The following UTRN variants were observed in gnomAD, a reference collection of about 807,000 sequenced individuals.
UTRN encodes the protein utrophin, also known as dystrophin-related protein 1.
In UTRN, 283 loss-of-function variants were observed where a neutral mutation model predicts 463.9. That is an observed-to-expected ratio of 0.61 (90% CI 0.55 to 0.67). The LOEUF is 0.67. Among genes scored for constraint, UTRN ranks in the 30% least tolerant of loss-of-function variants. The probability of loss-of-function intolerance (pLI) is 0.00; values close to 1 mark genes in which losing one functional copy is unlikely to be tolerated. For synonymous variants in UTRN, 1,442 were observed against 1,431.5 expected, an observed-to-expected ratio of 1.01 and a Z score of -0.17; for missense variants, 3,922 against 4,084.3, an observed-to-expected ratio of 0.96 and a Z score of 1.08.
At chr6:144,743,452 G>T (rs1790332581) in intron 54 of UTRN, among the ~76,000 whole-genome samples, 1 of 152,142 alleles carries the variant, frequency 6.6e-6, no homozygotes, top group African/African-American at 2.4e-5. Context: ...CTACTATCAA[G>T]ATTTCTTTGA....
At chr6:144,847,607 A>G (rs1782135167) in intron 74 of UTRN, among the ~76,000 whole-genome samples, 2 of 152,118 alleles carry the variant, frequency 1.3e-5, no homozygotes, top group South Asian at 2.1e-4. Flanking sequence ...TCAGGGTGGG[A>G]GGAGAGATGA....
intron 2 of UTRN, among the ~76,000 whole-genome samples, chr6:144,327,000 T>C (rs920247438): frequency 3.8e-4 from 58 of 152,172 alleles, no homozygotes; most frequent in African/African-American, 1.4e-3. Flanking sequence ...TTGTTGATGC[T>C]CGTCTGGTGG....
chr6:144,448,921 C>A, intron 17 of UTRN, 152 bp downstream of exon 17: 1 of 895,164 alleles, frequency 1.1e-6, no homozygotes, highest in Non-Finnish European at 1.6e-6. Context: ...CCACTCACTG[C>A]CCCTGTCTTC....
chr6:144,837,982 GT>G (rs1437255433), intron 71 of UTRN, among the ~76,000 whole-genome samples: 2 of 152,188 alleles, frequency 1.3e-5, no homozygotes, highest in African/African-American at 4.8e-5. Flanking sequence ...CATTGAAAAC[GT>G]TACATTTTTC....
At position 144,343,943 on chromosome 6, in the gene UTRN, A is replaced by C. The variant is rs550356127; in HGVS notation, c.79+52036A>C. 5.7e-4 allele frequency among the ~76,000 whole-genome samples: 87 copies of C among 151,942 alleles called. 1 individual carries two copies. Among genetic ancestry groups the C allele is most frequent in the African/African-American group, 1.9e-3 (80 of 41,258 alleles). On this transcript the variant is annotated intron_variant, in intron 2 of 74. Coordinates refer to ENST00000367545, the MANE Select transcript of UTRN (RefSeq NM_007124.3). Reference sequence around the variant, plus strand: ...TATAATCTCTGTCATAGGAACATGAATAGAGGCCCTTAGTTGTGACTATTA... The same window carrying C: ...TATAATCTCTGTCATAGGAACATGACTAGAGGCCCTTAGTTGTGACTATTA...
At chr6:144,294,628 A>G (rs987529398) in intron 2 of UTRN, among the ~76,000 whole-genome samples, 1 of 151,888 alleles carries the variant, frequency 6.6e-6, no homozygotes, top group African/African-American at 2.4e-5. Context: ...GGGGGGACGG[A>G]GAGTGTGGTT....
chr6:144,754,894 G>T, intron 57 of UTRN, 96 bp downstream of exon 57: 2 of 1,209,468 alleles, frequency 1.7e-6, no homozygotes, highest in Non-Finnish European at 2.4e-6. Flanking sequence ...CTATAAATAT[G>T]TTTATTTAGA....
intron 51 of UTRN, among the ~76,000 whole-genome samples, chr6:144,672,170 G>A (rs969276692): frequency 2.6e-5 from 4 of 151,722 alleles, no homozygotes; most frequent in Non-Finnish European, 2.9e-5. Context: ...TACTGGCTTC[G>A]TAGAATGATT....
At chr6:144,364,544 T>C (rs2114694831) in intron 2 of UTRN, among the ~76,000 whole-genome samples, 1 of 152,292 alleles carries the variant, frequency 6.6e-6, no homozygotes, top group African/African-American at 2.4e-5. Flanking sequence ...ATTTTCTGTT[T>C]CCCAATTTGT....
chr6:144,429,670 G>A lies in UTRN; in HGVS notation c.784G>A (p.Ala262Thr), dbSNP rs547758141. The A allele has an allele frequency of 3.1e-6, 5 of 1,612,876 alleles. No individual in the cohort carries two copies. Among genetic ancestry groups the A allele is most frequent in the East Asian group, 2.2e-5 (1 of 44,836 alleles). Residue 262 changes from alanine (A) to threonine (T), a missense_variant, in exon 9 of 75, where the codon GCC becomes ACC. Around this residue, in one of 3 missense-constraint regions of UTRN, gnomAD observed 264 missense variants for 327.9 expected, o/e 0.81. Transcript: ENST00000367545. ...EVLPQQVTID[A>T]IREVETLPRK... ...GCTACCTCAGCAAGTCACCATAGACGCCATCCGTGAGGTAGAGACACTCCC... is the reference window on the plus strand; with the variant it reads ...GCTACCTCAGCAAGTCACCATAGACACCATCCGTGAGGTAGAGACACTCCC...
intron 71 of UTRN, 86 bp downstream of exon 71, chr6:144,836,627 C>A (rs1781130700): frequency 3.3e-6 from 5 of 1,535,290 alleles, no homozygotes; most frequent in East Asian, 2.3e-5. Context: ...TCAGGAGAGG[C>A]AGAGAAGTCC....
In UTRN at chr6:144,462,731, T is replaced by G; in HGVS notation, c.2931T>G (p.Asn977Lys). The G allele has an allele frequency of 6.2e-7, 1 of 1,611,474 alleles. No homozygotes were observed. The highest frequency in any genetic ancestry group is 1.1e-5 in the South Asian group (1 of 90,060). The change falls in exon 23 of 75, where the codon AAT (asparagine) becomes AAG (lysine). Residue 977 changes from asparagine to lysine, a missense_variant. This residue lies in a region of UTRN where 2,349 missense variants were observed against 2,303.8 expected (regional missense o/e 1.02). Transcript: ENST00000367545. ...AAGAAACAAAGGCTCTGGAGAAAAA[T>G]GTTCATCCTGATGTAGAAAAATTAT... is the stretch of plus-strand genomic sequence containing the variant. ...LAEETKALEK[N>K]VHPDVEKLYK...
At chr6:144,457,484 G>A (rs1248318679) in intron 19 of UTRN, among the ~76,000 whole-genome samples, 1 of 152,276 alleles carries the variant, frequency 6.6e-6, no homozygotes, top group East Asian at 1.9e-4. Flanking sequence ...TAGAAATGAT[G>A]GGGCAGGGGC....
chr6:144,511,104 A>G lies in UTRN; in HGVS notation c.4925A>G (p.Asp1642Gly), dbSNP rs1317371870. ...AGCCGAGTTCGTACCTGGACTGAAG[A>G]TTGGTGCAATACCTTGATGGTATGT... ...GWSRVRTWTE[D>G]WCNTLMNHQN... is the part of the protein sequence containing the mutation. Residue 1642 changes from aspartate to glycine, a missense_variant, in exon 35 of 75, where the codon GAT becomes GGT. Asp to Gly is a moderately conservative substitution (Grantham distance 94). Coordinates refer to ENST00000367545, the MANE Select transcript of UTRN (RefSeq NM_007124.3). 6.2e-7 allele frequency: 1 copy of G among 1,600,898 alleles called. No homozygotes were observed. The highest frequency in any genetic ancestry group is 8.5e-7 in the Non-Finnish European group (1 of 1,171,668).
chr6:144,747,302 A>C (rs928539925), intron 54 of UTRN, among the ~76,000 whole-genome samples: 1 of 152,212 alleles, frequency 6.6e-6, no homozygotes, highest in African/African-American at 2.4e-5. Flanking sequence ...ACCACCATCA[A>C]ACCAGCTAGA....
At chr6:144,436,848 A>T (rs918573010) in intron 10 of UTRN, among the ~76,000 whole-genome samples, 2 of 144,330 alleles carry the variant, frequency 1.4e-5, no homozygotes, top group South Asian at 4.2e-4. Context: ...ATATATAAAT[A>T]AAATATATAA....
intron 51 of UTRN, among the ~76,000 whole-genome samples, chr6:144,579,733 A>C (rs1360309284): frequency 1.3e-5 from 2 of 152,238 alleles, no homozygotes; most frequent in Non-Finnish European, 2.9e-5. Context: ...ATGCTTTATA[A>C]AATATAATAC....
intron 2 of UTRN, among the ~76,000 whole-genome samples, chr6:144,322,727 A>G (rs1158526490): frequency 2.6e-5 from 4 of 152,162 alleles, no homozygotes; most frequent in East Asian, 1.9e-4. Context: ...TCACGAGGTC[A>G]GGAGATCGAG....
chr6:144,399,938 T>C (rs1782790056), intron 2 of UTRN, among the ~76,000 whole-genome samples: 1 of 152,336 alleles, frequency 6.6e-6, no homozygotes, highest in South Asian at 2.1e-4. Flanking sequence ...CCTTTGGATC[T>C]GTGTGAGCAT....
Sources: gnomAD v4.1 joint callset for allele counts (sites outside exome capture counted in the v4.1 genomes callset) on GRCh38, gnomAD v4.1.1 for gene constraint, gnomAD v4.1.1 regional missense constraint, MANE v1.5 for transcripts, NCBI Gene and HGNC (gene_info 2026-07-23, HGNC 2026-07-21) for gene names.